The following VGLL3 variants were observed in gnomAD, a reference collection of about 807,000 sequenced individuals.
VGLL3 encodes transcription cofactor vestigial-like protein 3.
Under a neutral mutation model 29.2 loss-of-function variants are expected in VGLL3, and 18 were observed. That is an observed-to-expected ratio of 0.62 (90% CI 0.43 to 0.91). The LOEUF is 0.91. Among genes scored for constraint, VGLL3 ranks in the 40% least tolerant of loss-of-function variants. The pLI, the probability that VGLL3 is intolerant of heterozygous loss-of-function variation, is 0.00. For missense variants in VGLL3, 440 were observed against 413.2 expected (o/e 1.06, Z -0.56); for synonymous variants, 180 against 151.8 (o/e 1.19, Z -1.36).
chr3:86,967,425 C>A (rs1281535426), intron 3 of VGLL3, among the ~76,000 whole-genome samples: 2 of 152,128 alleles, frequency 1.3e-5, no homozygotes, highest in East Asian at 3.9e-4. Flanking sequence ...TGAACCCAGT[C>A]TCAATAGGAA....
At chr3:86,971,373 CCATT>C (rs1159063047) in intron 2 of VGLL3, among the ~76,000 whole-genome samples, 2 of 152,192 alleles carry the variant, frequency 1.3e-5, no homozygotes, top group Non-Finnish European at 2.9e-5. Flanking sequence ...ATGATCATGA[CCATT>C]CATCCCATTC....
rs1704497676 is a variant in VGLL3, at chr3:86,945,934, A to G, written c.*1090T>C. On this transcript the variant is annotated 3_prime_UTR_variant, in exon 4 of 4. Coordinates refer to ENST00000398399, the MANE Select transcript of VGLL3 (RefSeq NM_016206.4). ...TTATAAGAAAGAGCTCGGGCTTTGT[A>G]ATTTCTCTAGTACCTTCCCAGATAT... 6.6e-6 allele frequency: 1 copy of G among 152,152 alleles called. No individual in the cohort carries two copies. The highest frequency in any genetic ancestry group is 2.1e-4 in the South Asian group (1 of 4,836). 9.4% of individuals were successfully genotyped at this position (152,152 alleles called of 1,614,324 possible). A position where few individuals can be genotyped will look rare whatever the true frequency, so the allele number is the denominator to read the frequency against.
At chr3:86,970,189 C>T (rs1705064761) in intron 2 of VGLL3, among the ~76,000 whole-genome samples, 1 of 152,114 alleles carries the variant, frequency 6.6e-6, no homozygotes, top group Admixed American at 6.5e-5. Flanking sequence ...AGTTCAATTT[C>T]CTACTCAATC....
rs559179831 is a variant in VGLL3 at position 86,946,958 on chromosome 3, G to A, written c.*66C>T. 1.3e-5 allele frequency: 10 copies of A among 768,102 alleles called. No individual in the cohort carries two copies. Among genetic ancestry groups the A allele is most frequent in the East Asian group, 1.2e-4 (5 of 40,744 alleles). 47.6% of individuals were successfully genotyped at this position (768,102 alleles called of 1,614,324 possible). ...GTCCTATTGCTGAATGGAAAAACCC[G>A]ACAGTATCTTTTCCCAGTGGGCCCT... On this transcript the variant is annotated 3_prime_UTR_variant, in exon 4 of 4. Transcript: ENST00000398399.
chr3:86,979,780 T>C (rs564456199), intron 1 of VGLL3, among the ~76,000 whole-genome samples: 27 of 152,204 alleles, frequency 1.8e-4, no homozygotes, highest in Admixed American at 1.3e-3. Flanking sequence ...TGTGTGTGCA[T>C]ATATATGTTC....
chr3:86,940,873 A>T lies in VGLL3; in HGVS notation c.*6151T>A, dbSNP rs1213398052. 6.6e-6 allele frequency: 1 copy of T among 152,412 alleles called. No homozygotes were observed. Among genetic ancestry groups the T allele is most frequent in the East Asian group, 1.9e-4 (1 of 5,202 alleles). 9.4% of individuals were successfully genotyped at this position (152,412 alleles called of 1,614,324 possible). A position where few individuals can be genotyped will look rare whatever the true frequency, so the allele number is the denominator to read the frequency against. ...ACTTTTTTTATTAGTTAAAAATGAC[A>T]GCATAACTAAGGTTAATTTTTATTT... On this transcript the variant is annotated 3_prime_UTR_variant, in exon 4 of 4. Transcript: ENST00000398399.
chr3:86,960,902 C>T (rs911266080), intron 3 of VGLL3, among the ~76,000 whole-genome samples: 4 of 140,336 alleles, frequency 2.9e-5, no homozygotes, highest in South Asian at 4.5e-4. Context: ...CATGGACCTG[C>T]GAAATATTAG....
chr3:86,958,519 T>C (rs1704773703), intron 3 of VGLL3, among the ~76,000 whole-genome samples: 1 of 152,058 alleles, frequency 6.6e-6, no homozygotes, highest in Non-Finnish European at 1.5e-5. Flanking sequence ...CTGAGGCAAA[T>C]CCCCATACTT....
chr3:86,978,770 G>A lies in VGLL3; in HGVS notation c.159C>T (p.Asp53=). 1 of 1,612,782 alleles carries A rather than the reference G, an allele frequency of 6.2e-7. No homozygotes were observed. Among genetic ancestry groups the A allele is most frequent in the Non-Finnish European group, 8.5e-7 (1 of 1,179,300 alleles). The change falls in exon 2 of 4, where the codon GAC becomes GAT. Residue 53 remains aspartate, a synonymous_variant. Coordinates refer to ENST00000398399, the MANE Select transcript of VGLL3 (RefSeq NM_016206.4). ...TGCTGGGAAGGGTGACTTCCAGAGA[G>A]TCCTGCATCTTGCTGAATACCGCTA... ...KKLAVFSKMQ[D]SLEVTLPSKQ...
chr3:86,954,400 C>G (rs1329165656), intron 3 of VGLL3, among the ~76,000 whole-genome samples: 1 of 152,140 alleles, frequency 6.6e-6, no homozygotes, highest in African/African-American at 2.4e-5. Context: ...CTCTCAGTAC[C>G]CACCTCCCTC....
chr3:86,974,232 C>T lies in VGLL3; in HGVS notation c.403+4294G>A, dbSNP rs188422138. 3.3e-5 allele frequency among the ~76,000 whole-genome samples: 5 copies of T among 152,008 alleles called. No homozygotes were observed. The East Asian group carries it at 9.7e-4, about 29-fold the overall frequency. On this transcript the variant is annotated intron_variant, in intron 2 of 3. Transcript: ENST00000398399. ...TCCCGGGTTCAAGCGATTCTCCTGT[C>T]TCAGTCTCCTAAGTAGCTGAGATTA... is the stretch of plus-strand genomic sequence containing the variant.
intron 2 of VGLL3, among the ~76,000 whole-genome samples, chr3:86,976,572 A>T (rs75887763): frequency 6.6e-6 from 1 of 152,242 alleles, no homozygotes; most frequent in Non-Finnish European, 1.5e-5. Context: ...AGTAGTAGTT[A>T]TGAAAACATT....
chr3:86,939,171 C>G lies in VGLL3; in HGVS notation c.*7853G>C, dbSNP rs918709613. On this transcript the variant is annotated 3_prime_UTR_variant, in exon 4 of 4. Transcript: ENST00000398399. ...ACAAATGCCAACGCAAACATTATGA[C>G]TTGCTACTCCCAGTGAAATAGTCCT... is the stretch of plus-strand genomic sequence containing the variant. 1 of 152,192 alleles carries G rather than the reference C, an allele frequency of 6.6e-6. No homozygotes were observed. The highest frequency in any genetic ancestry group is 6.5e-5 in the Admixed American group (1 of 15,284). 9.4% of individuals were successfully genotyped at this position (152,192 alleles called of 1,614,324 possible).
intron 1 of VGLL3, among the ~76,000 whole-genome samples, chr3:86,982,154 T>C (rs1705337837): frequency 1.3e-5 from 2 of 152,192 alleles, no homozygotes; most frequent in South Asian, 4.1e-4. Flanking sequence ...TTTTAATTTT[T>C]ATTTTTTGAG....
chr3:86,988,317 T>C (rs1049401507), intron 1 of VGLL3, among the ~76,000 whole-genome samples: 5 of 152,142 alleles, frequency 3.3e-5, no homozygotes, highest in African/African-American at 1.2e-4. Flanking sequence ...AAGATGCTAT[T>C]AGGGGTCACT....
rs1200816641 is a variant in VGLL3 at position 86,940,071 on chromosome 3, T to A, written c.*6953A>T. Reference sequence around the variant, plus strand: ...AAATATGGTAGACAGTTAAAAAGCCTGCGCCAAATTATTTCATCTGTAATG... The same window carrying A: ...AAATATGGTAGACAGTTAAAAAGCCAGCGCCAAATTATTTCATCTGTAATG... On this transcript the variant is annotated 3_prime_UTR_variant, in exon 4 of 4. Coordinates refer to ENST00000398399, the MANE Select transcript of VGLL3 (RefSeq NM_016206.4). 6.6e-6 allele frequency: 1 copy of A among 152,230 alleles called. No individual in the cohort carries two copies. Among genetic ancestry groups the A allele is most frequent in the African/African-American group, 2.4e-5 (1 of 41,468 alleles). The allele number at this position is 152,230 out of a possible 1,614,324, so 9.4% of individuals were successfully genotyped here.
rs939857451 is a variant in VGLL3, at chr3:86,942,081, A to G, written c.*4943T>C. 6.6e-6 allele frequency: 1 copy of G among 152,208 alleles called. No homozygotes were observed. The highest frequency in any genetic ancestry group is 2.4e-5 in the African/African-American group (1 of 41,456). The allele number at this position is 152,208 out of a possible 1,614,324, so 9.4% of individuals were successfully genotyped here. On this transcript the variant is annotated 3_prime_UTR_variant, in exon 4 of 4. Transcript: ENST00000398399. Reference sequence around the variant, plus strand: ...TGCTTTAATAATAGATTTAAAGGGCACTTTGGCCTTTAAATATTTTCAGAG... The same window carrying G: ...TGCTTTAATAATAGATTTAAAGGGCGCTTTGGCCTTTAAATATTTTCAGAG...
chr3:86,943,571 T>A lies in VGLL3; in HGVS notation c.*3453A>T, dbSNP rs1704442645. ...CCCTCAATTATTTGCAATCCACTCC[T>A]CATTTTGCAAATTTTAGAGCAATCT... On this transcript the variant is annotated 3_prime_UTR_variant, in exon 4 of 4. Coordinates refer to ENST00000398399, the MANE Select transcript of VGLL3 (RefSeq NM_016206.4). 1 of 152,144 alleles carries A rather than the reference T, an allele frequency of 6.6e-6. No individual in the cohort carries two copies. The highest frequency in any genetic ancestry group is 1.5e-5 in the Non-Finnish European group (1 of 68,024). 9.4% of individuals were successfully genotyped at this position (152,144 alleles called of 1,614,324 possible). A position where few individuals can be genotyped will look rare whatever the true frequency, so the allele number is the denominator to read the frequency against.
chr3:86,960,253 A>T (rs901387458), intron 3 of VGLL3, among the ~76,000 whole-genome samples: 3 of 152,152 alleles, frequency 2.0e-5, no homozygotes, highest in Non-Finnish European at 4.4e-5. Flanking sequence ...AGATTAAATC[A>T]GAATGTTGTT....
Sources: allele counts gnomAD v4.1 joint callset (sites outside exome capture counted in the v4.1 genomes callset), GRCh38; gene constraint gnomAD v4.1.1; transcripts MANE v1.5; gene names NCBI Gene and HGNC (gene_info 2026-07-23, HGNC 2026-07-21).